MRTFB: variants seen among roughly 807,000 people sequenced by gnomAD.
MRTFB encodes myocardin related transcription factor B, also known as myocardin-related transcription factor B.
A neutral mutation model predicts 104.2 loss-of-function variants in MRTFB; 29 were observed. The observed-to-expected ratio is 0.28, with a 90% CI of 0.21 to 0.38. The LOEUF is 0.38. Ranked by LOEUF, MRTFB falls within the 10% of genes least tolerant of loss-of-function variation. The pLI, the probability that MRTFB is intolerant of heterozygous loss-of-function variation, is 1.00. For synonymous variants in MRTFB, 535 were observed against 519.5 expected (o/e 1.03, Z -0.41); for missense variants, 1,270 against 1,341.6 (o/e 0.95, Z 0.83).
chr16:14,164,161 A>G (rs112507155), intron 3 of MRTFB, among the ~76,000 whole-genome samples: 1,628 of 152,276 alleles, frequency 0.011, 19 homozygotes, highest in Middle Eastern at 0.031. Context: ...CCTTCTGTCT[A>G]CCTGTATGTT....
At chr16:14,012,590 G>T in the MRTFB span, among the ~76,000 whole-genome samples, 2 of 152,046 alleles carry the variant, frequency 1.3e-5, no homozygotes, top group Non-Finnish European at 2.9e-5. Context: ...GAGCCACCGC[G>T]CCCGGCTGAC....
Position 14,261,192 on chromosome 16 carries a change from G to A in MRTFB, c.3048G>A (p.Gln1016=), listed in dbSNP as rs1222420931. 2 of 1,614,100 alleles carry A rather than the reference G, an allele frequency of 1.2e-6. No homozygotes were observed. The highest frequency in any genetic ancestry group is 4.5e-5 in the East Asian group (2 of 44,894). ...CCTTCTCTCTGATCGAGGACCTCCA[G>A]AATGATCTGCTGAGTCACTCAGGTA... ...REPFSLIEDL[Q]NDLLSHSGML... Residue 1016 remains glutamine, a synonymous_variant, in exon 17 of 17, where the codon CAG becomes CAA. Transcript: ENST00000571589.
chr16:14,129,905 T>C (rs1264454942), intron 2 of MRTFB, among the ~76,000 whole-genome samples: 1 of 152,222 alleles, frequency 6.6e-6, no homozygotes, highest in Non-Finnish European at 1.5e-5. Context: ...CTCCCCTCAC[T>C]GCAACCTCTG....
chr16:14,023,237 A>C, the MRTFB span, among the ~76,000 whole-genome samples: 1 of 152,022 alleles, frequency 6.6e-6, no homozygotes, highest in African/African-American at 2.4e-5. Flanking sequence ...CAGGAGTTCA[A>C]GACCAATCCT....
rs1007080017 is a variant in MRTFB, at chr16:14,264,625, A to G, written c.*3181A>G. ...TAATTCTAAAAGAGATCTTATTTAA[A>G]TTTCCTTTTTAAAAGCCGCATGGTT... On this transcript the variant is annotated 3_prime_UTR_variant, in exon 17 of 17. Transcript: ENST00000571589. The G allele has an allele frequency of 5.3e-5, 8 of 152,180 alleles. No homozygotes were observed. Among genetic ancestry groups the G allele is most frequent in the African/African-American group, 1.7e-4 (7 of 41,442 alleles). The allele number at this position is 152,180 out of a possible 1,614,324, so 9.4% of individuals were successfully genotyped here. A position where few individuals can be genotyped will look rare whatever the true frequency, so the allele number is the denominator to read the frequency against.
At chr16:14,033,037 G>T in the MRTFB span, among the ~76,000 whole-genome samples, 2 of 151,720 alleles carry the variant, frequency 1.3e-5, no homozygotes, top group Non-Finnish European at 2.9e-5. Flanking sequence ...TAGTAGGTCT[G>T]CAAAAATCAG....
intron 3 of MRTFB, among the ~76,000 whole-genome samples, chr16:14,146,560 C>A: frequency 6.6e-6 from 1 of 152,168 alleles, no homozygotes; most frequent in Non-Finnish European, 1.5e-5. Flanking sequence ...CAAGATGGCT[C>A]TTTGCTTTGG....
intron 1 of MRTFB, among the ~76,000 whole-genome samples, chr16:14,078,166 C>G (rs1045849493): frequency 2.6e-5 from 4 of 152,154 alleles, no homozygotes; most frequent in African/African-American, 9.7e-5. Context: ...GTATCTGTCT[C>G]TGCATGTAGC....
rs8047026 is a variant in MRTFB, at chr16:14,080,048, C to G, written c.-64+694C>G. On this transcript the variant is annotated intron_variant, in intron 2 of 16. Transcript: ENST00000571589. ...TTTTACTGGCTGCCTAATGTTCCATCTTTTAGAGGCACCATACTTTATGCC... is the reference window on the plus strand; with the variant it reads ...TTTTACTGGCTGCCTAATGTTCCATGTTTTAGAGGCACCATACTTTATGCC... Among the ~76,000 whole-genome samples, 376 of 152,286 alleles carry G rather than the reference C, an allele frequency of 2.5e-3. 1 individual carries two copies. Among genetic ancestry groups the G allele is most frequent in the African/African-American group, 8.6e-3 (359 of 41,556 alleles).
At position 14,252,449 on chromosome 16, in the gene MRTFB, C is replaced by A. The variant is rs201605678; in HGVS notation, c.2650C>A (p.Arg884Ser). 5 of 1,613,934 alleles carry A rather than the reference C, an allele frequency of 3.1e-6. No individual in the cohort carries two copies. Among genetic ancestry groups the A allele is most frequent in the South Asian group, 2.2e-5 (2 of 91,046 alleles). The change falls in exon 15 of 17, where the codon CGC becomes AGC. Residue 884 changes from arginine to serine, a missense_variant. Around this residue, in one of 3 missense-constraint regions of MRTFB, gnomAD observed 1,144 missense variants for 1,131.5 expected, o/e 1.01. Transcript: ENST00000571589. ...AGTCGCCAAGACAAAAGATCCCCCC[C>A]GCTATGAGGAGGCCATCAAGCAGAC... ...SPVAKTKDPPRYEEAIKQTRS... is the reference protein window; with the variant it reads ...SPVAKTKDPPSYEEAIKQTRS...
intron 2 of MRTFB, among the ~76,000 whole-genome samples, chr16:14,081,852 A>G (rs1176780845): frequency 6.6e-6 from 1 of 152,176 alleles, no homozygotes. Context: ...AAGTGCTGGG[A>G]TTATAGGTGT....
At chr16:14,119,108 A>C (rs1038317599) in intron 2 of MRTFB, among the ~76,000 whole-genome samples, 2 of 152,232 alleles carry the variant, frequency 1.3e-5, no homozygotes, top group Non-Finnish European at 2.9e-5. Flanking sequence ...ATAGAATTTA[A>C]TTGAATGAAG....
At chr16:14,222,953 G>C (rs951767939) in intron 8 of MRTFB, among the ~76,000 whole-genome samples, 2 of 151,962 alleles carry the variant, frequency 1.3e-5, no homozygotes, top group African/African-American at 4.8e-5. Context: ...AGCTGAGGCA[G>C]GAGGATTACT....
intron 2 of MRTFB, among the ~76,000 whole-genome samples, chr16:14,083,586 C>G (rs984499557): frequency 6.6e-6 from 1 of 152,170 alleles, no homozygotes; most frequent in African/African-American, 2.4e-5. Flanking sequence ...TGCTTACTTC[C>G]CTCTGTTTCC....
the MRTFB span, among the ~76,000 whole-genome samples, chr16:13,996,772 C>T: frequency 6.6e-6 from 1 of 152,188 alleles, no homozygotes; most frequent in Admixed American, 6.5e-5. Context: ...GAAGACTAGG[C>T]ATACTTGAGA....
chr16:14,073,629 A>G (rs2141778910), intron 1 of MRTFB, among the ~76,000 whole-genome samples: 1 of 152,308 alleles, frequency 6.6e-6, no homozygotes, highest in African/African-American at 2.4e-5. Context: ...TGTTTAATGG[A>G]AATGTTGACA....
Position 14,258,111 on chromosome 16 carries a change from C to G in MRTFB, c.2714C>G (p.Ala905Gly). ...TCTCCTTCATTGTAGATTTCCAACG[C>G]TCACAGTCAGCAGATGGATGACCTC... ...TQAPLPEISN[A>G]HSQQMDDLFD... is the part of the protein sequence containing the mutation. The change falls in exon 16 of 17, where the codon GCT becomes GGT. Residue 905 changes from alanine (A) to glycine (G), a missense_variant. Transcript: ENST00000571589. 6.2e-7 allele frequency: 1 copy of G among 1,613,926 alleles called. No individual in the cohort carries two copies. Among genetic ancestry groups the G allele is most frequent in the Non-Finnish European group, 8.5e-7 (1 of 1,179,852 alleles).
At chr16:14,240,529 T>C (rs2042720621) in intron 10 of MRTFB, 45 bp downstream of exon 10, 7 of 1,614,038 alleles carry the variant, frequency 4.3e-6, no homozygotes, top group Non-Finnish European at 5.1e-6. Flanking sequence ...TTTTCTGTGG[T>C]TTTTTATGAG....
In MRTFB at chr16:14,249,055, C is replaced by T; in HGVS notation, c.2377C>T (p.Leu793Phe). 6.2e-7 allele frequency: 1 copy of T among 1,614,122 alleles called. No individual in the cohort carries two copies. Among genetic ancestry groups the T allele is most frequent in the East Asian group, 2.2e-5 (1 of 44,878 alleles). The change falls in exon 13 of 17, where the codon CTC (leucine) becomes TTC (phenylalanine). Residue 793 changes from leucine to phenylalanine, a missense_variant. Physicochemically the swap from Leu to Phe is conservative, Grantham distance 22. This residue lies in a region of MRTFB where 1,144 missense variants were observed against 1,131.5 expected (regional missense o/e 1.01). Coordinates refer to ENST00000571589, the MANE Select transcript of MRTFB (RefSeq NM_001308142.2). ...ACAAGACACGTTCCCGCAGCATGTG[C>T]TCAGTCAGCCTCAACAAGTCAGAAA... ...QTQDTFPQHVLSQPQQVRKVF... is the reference protein window; with the variant it reads ...QTQDTFPQHVFSQPQQVRKVF...
Sources: gnomAD v4.1 joint callset for allele counts (sites outside exome capture counted in the v4.1 genomes callset) on GRCh38, gnomAD v4.1.1 for gene constraint, gnomAD v4.1.1 regional missense constraint, MANE v1.5 for transcripts, NCBI Gene and HGNC (gene_info 2026-07-23, HGNC 2026-07-21) for gene names.